The following GRM6 variants were observed in gnomAD, a reference collection of about 807,000 sequenced individuals.
GRM6 encodes the protein glutamate metabotropic receptor 6.
GRM6 carries 73 observed loss-of-function variants against 78.4 expected under a neutral mutation model. That is an observed-to-expected ratio of 0.93 (90% confidence interval 0.77 to 1.13). The LOEUF is 1.13. GRM6 is among the 50% of genes most tolerant of loss of function. The pLI, the probability that GRM6 is intolerant of heterozygous loss-of-function variation, is 0.00. For synonymous variants in GRM6, 580 were observed against 555.0 expected (o/e 1.05, Z -0.63); for missense variants, 1,251 against 1,256.4 (o/e 1.00, Z 0.07).
Position 178,983,079 on chromosome 5 carries a change from C to T in GRM6, c.2267G>A (p.Gly756Asp), listed in dbSNP as rs539727841. 3.0e-5 allele frequency: 48 copies of T among 1,614,172 alleles called. 2 individuals are homozygous for T. In the South Asian group the frequency reaches 5.1e-4, roughly 17 times the overall value. The stretch of plus-strand genomic sequence containing the variant: ...CGTGACCATGAGCAGGAGGCTGTAG[C>T]CCAGGCAGCCGATGAGAGACAGATC... ...MSDLSLIGCL[G>D]YSLLLMVTCT... The change falls in exon 10 of 11, where the codon GGC (glycine) becomes GAC (aspartate). Residue 756 changes from glycine to aspartate, a missense_variant. By Grantham distance (94) the Gly-to-Asp change is moderately conservative. Transcript: ENST00000517717.
At chr5:178,982,195 A>G (rs1353071117) in intron 10 of GRM6, among the ~76,000 whole-genome samples, 1 of 152,246 alleles carries the variant, frequency 6.6e-6, no homozygotes, top group Non-Finnish European at 1.5e-5. Flanking sequence ...ATGGGCAAAT[A>G]AATGGATGAC....
chr5:178,983,923 G>C (rs1192530360), intron 9 of GRM6, among the ~76,000 whole-genome samples: 1 of 152,212 alleles, frequency 6.6e-6, no homozygotes, highest in South Asian at 2.1e-4. Flanking sequence ...CGCCTGATTG[G>C]GGGCAGGGGT....
At chr5:178,985,518 A>C (rs1179051727) in intron 9 of GRM6, 3 of 339,620 alleles carry the variant, frequency 8.8e-6, no homozygotes, top group Non-Finnish European at 1.7e-5. Context: ...CCTGGCTAAC[A>C]CGGTGAAGCC....
chr5:178,983,699 T>C, intron 9 of GRM6: 2 of 356,028 alleles, frequency 5.6e-6, no homozygotes, highest in South Asian at 4.2e-5. Flanking sequence ...GAGCACTCAG[T>C]GGGGAGGAGC....
chr5:178,993,808 G>A (rs1311075200), intron 2 of GRM6, among the ~76,000 whole-genome samples: 1 of 152,192 alleles, frequency 6.6e-6, no homozygotes, highest in Non-Finnish European at 1.5e-5. Flanking sequence ...ACAGAGCAGG[G>A]CCAGCCCGGG....
chr5:178,989,973 C>T (rs1487036312), intron 5 of GRM6: 1 of 202,992 alleles, frequency 4.9e-6, no homozygotes, highest in African/African-American at 2.3e-5. Context: ...TACTCTCAGT[C>T]CAGGCTGCCA....
At position 178,983,080 on chromosome 5, in the gene GRM6, C is replaced by G. The variant is rs745727757; in HGVS notation, c.2266G>C (p.Gly756Arg). ...MSDLSLIGCL[G>R]YSLLLMVTCT... The stretch of plus-strand genomic sequence containing the variant: ...GTGACCATGAGCAGGAGGCTGTAGC[C>G]CAGGCAGCCGATGAGAGACAGATCC... The change falls in exon 10 of 11, where the codon GGC (glycine) becomes CGC (arginine). Residue 756 changes from glycine to arginine, a missense_variant. Transcript: ENST00000517717. The G allele has an allele frequency of 6.2e-7, 1 of 1,614,132 alleles. No homozygotes were observed. The highest frequency in any genetic ancestry group is 1.1e-5 in the South Asian group (1 of 91,086).
In GRM6 at chr5:178,988,953, G is replaced by T; in HGVS notation, c.1336C>A (p.Arg446=). Residue 446 remains arginine, a synonymous_variant, in exon 7 of 11, where the codon CGA becomes AGA. Transcript: ENST00000517717. The surrounding 1 kb of genome is among the most constrained non-coding windows in gnomAD (Gnocchi z 6.0). ...CACTCACCATTGAAGCGGACAGCTC[G>T]AATGTACTGCAGAAGCATCCGCCCA... ...TDGRMLLQYI[R]AVRFNGSAGT... 6.2e-7 allele frequency: 1 copy of T among 1,613,264 alleles called. No homozygotes were observed. The highest frequency in any genetic ancestry group is 8.5e-7 in the Non-Finnish European group (1 of 1,179,814).
chr5:178,992,224 G>T lies in GRM6; in HGVS notation c.505-141C>A. The T allele has an allele frequency of 1.4e-6, 1 of 717,040 alleles. No homozygotes were observed. Among genetic ancestry groups the T allele is most frequent in the Non-Finnish European group, 2.5e-6 (1 of 400,448 alleles). The allele number at this position is 717,040 out of a possible 1,614,324, so 44.4% of individuals were successfully genotyped here. On this transcript the variant is annotated intron_variant, in intron 2 of 10. Coordinates refer to ENST00000517717, the MANE Select transcript of GRM6 (RefSeq NM_000843.4). The surrounding 1 kb of genome is among the most constrained non-coding windows in gnomAD (Gnocchi z 4.9). ...GACACAGATGGGAGATGGAAGGGTTGGGGTGGGGACCTGGGGCCAGCTGGA... is the reference window on the plus strand; with the variant it reads ...GACACAGATGGGAGATGGAAGGGTTTGGGTGGGGACCTGGGGCCAGCTGGA...
rs771271291 is a variant in GRM6 at position 178,992,051 on chromosome 5, C to T, written c.537G>A (p.Pro179=). The stretch of plus-strand genomic sequence containing the variant: ...CATAGCGTGTGGAGTCGCTGAGCTC[C>T]GGGGCTGTGGAGGCATAGCTGATCT... ...IPQISYASTA[P]ELSDSTRYDF... is the part of the protein sequence containing the mutation. The change falls in exon 3 of 11, where the codon CCG becomes CCA. Residue 179 remains proline, a synonymous_variant. Coordinates refer to ENST00000517717, the MANE Select transcript of GRM6 (RefSeq NM_000843.4). The surrounding 1 kb of genome is among the most constrained non-coding windows in gnomAD (Gnocchi z 4.9). 65 of 1,613,806 alleles carry T rather than the reference C, an allele frequency of 4.0e-5. No homozygotes were observed. The highest frequency in any genetic ancestry group is 3.0e-4 in the South Asian group (27 of 91,084).
In GRM6 at chr5:178,986,249, G is replaced by A; in HGVS notation, c.2005C>T (p.Leu669Phe). The A allele has an allele frequency of 6.2e-7, 1 of 1,614,196 alleles. No individual in the cohort carries two copies. The highest frequency in any genetic ancestry group is 8.5e-7 in the Non-Finnish European group (1 of 1,180,038). ...LGTTLSYSAL[L>F]TKTNRIYRIF... ...CGGTAGATACGGTTGGTCTTGGTGA[G>A]CAGGGCAGAGTAGCTGAGGGTCGTG... Residue 669 changes from leucine to phenylalanine, a missense_variant, in exon 9 of 11, where the codon CTC becomes TTC. Transcript: ENST00000517717.
In GRM6 at chr5:178,988,915, G is replaced by T. The variant is rs375211773; in HGVS notation, c.1354+20C>A. ...CCCCAGCTGTCCTTCACTGCTGCAG[G>T]GGGGCAGGCACCCACTCACCATTGA... On this transcript the variant is annotated intron_variant, in intron 7 of 10. Transcript: ENST00000517717. This position sits in a 1 kb window ranked among gnomAD's most constrained non-coding sequence, Gnocchi z 6.0. The T allele has an allele frequency of 1.4e-5, 22 of 1,600,194 alleles. No individual in the cohort carries two copies. The highest frequency in any genetic ancestry group is 1.9e-5 in the Non-Finnish European group (22 of 1,169,590).
intron 9 of GRM6, chr5:178,983,459 G>A (rs1045375333): frequency 1.7e-5 from 12 of 690,838 alleles, no homozygotes; most frequent in Middle Eastern, 2.3e-4. Context: ...TGCGGAGAAG[G>A]GCTGTGCCGC....
At chr5:178,989,725 C>T (rs1760638922) in intron 5 of GRM6, 2 of 440,860 alleles carry the variant, frequency 4.5e-6, no homozygotes, top group Non-Finnish European at 8.4e-6. Flanking sequence ...GACTTTTATC[C>T]CTGCTCCTTC....
Position 178,989,362 on chromosome 5 carries a change from G to A in GRM6, c.1056C>T (p.Arg352=), listed in dbSNP as rs767097015. The A allele has an allele frequency of 1.2e-6, 2 of 1,613,966 alleles. No homozygotes were observed. Among genetic ancestry groups the A allele is most frequent in the South Asian group, 2.2e-5 (2 of 91,080 alleles). Residue 352 remains arginine (R), a synonymous_variant, in exon 6 of 11, where the codon CGC becomes CGT. Coordinates refer to ENST00000517717, the MANE Select transcript of GRM6 (RefSeq NM_000843.4). ...AGAACTCGGCGAACCAGATGTTCCT[G>A]CGGTTGTTCTCCAGGGATCGAGTCA... ...YFMTRSLENN[R]RNIWFAEFWE...
rs188332432 is a variant in GRM6, at chr5:178,988,573, G to A, written c.1354+362C>T. Among the ~76,000 whole-genome samples the A allele has an allele frequency of 2.5e-4, 38 of 152,254 alleles. No homozygotes were observed. The highest frequency in any genetic ancestry group is 5.3e-4 in the African/African-American group (22 of 41,552). On this transcript the variant is annotated intron_variant, in intron 7 of 10. Coordinates refer to ENST00000517717, the MANE Select transcript of GRM6 (RefSeq NM_000843.4). The surrounding 1 kb of genome is among the most constrained non-coding windows in gnomAD (Gnocchi z 6.0). ...GTGGGCGGCATGTCCCTGGGTAGGC[G>A]CCCCACGCAGTCTTAACTGTGCCCC...
intron 7 of GRM6, among the ~76,000 whole-genome samples, chr5:178,987,631 A>C (rs1295618909): frequency 1.3e-5 from 2 of 152,076 alleles, no homozygotes; most frequent in Non-Finnish European, 2.9e-5. Flanking sequence ...GGGGCCGTGG[A>C]ATGGCGGTTG....
rs745890602 is a variant in GRM6 at position 178,991,677 on chromosome 5, T to C, written c.722-118A>G. The C allele has an allele frequency of 5.4e-6, 7 of 1,306,244 alleles. No homozygotes were observed. The highest frequency in any genetic ancestry group is 1.2e-5 in the South Asian group (1 of 84,332). 80.9% of individuals were successfully genotyped at this position (1,306,244 alleles called of 1,614,324 possible). A position where few individuals can be genotyped will look rare whatever the true frequency, so the allele number is the denominator to read the frequency against. On this transcript the variant is annotated intron_variant, in intron 3 of 10. Transcript: ENST00000517717. This position sits in a 1 kb window ranked among gnomAD's most constrained non-coding sequence, Gnocchi z 5.0. Reference sequence around the variant, plus strand: ...GGGTCTGCAGGGGTGAAGTCTGGCCTGCACCCTCCGCCAAGCCTGAGGCAG... The same window carrying C: ...GGGTCTGCAGGGGTGAAGTCTGGCCCGCACCCTCCGCCAAGCCTGAGGCAG...
In GRM6 at chr5:178,981,666, G is replaced by A; in HGVS notation, c.2625C>T (p.Ala875=). The A allele has an allele frequency of 6.2e-7, 1 of 1,613,348 alleles. No individual in the cohort carries two copies. Among genetic ancestry groups the A allele is most frequent in the Admixed American group, 1.7e-5 (1 of 60,026 alleles). ...AAPPKGEDAE[A]HK The stretch of plus-strand genomic sequence containing the variant: ...GTTCCCACCTGCCCTGCTACTTGTG[G>A]GCCTCTGCATCCTCGCCCTTGGGTG... The change falls in exon 11 of 11, where the codon GCC becomes GCT. Residue 875 remains alanine, a synonymous_variant. Coordinates refer to ENST00000517717, the MANE Select transcript of GRM6 (RefSeq NM_000843.4). This position sits in a 1 kb window ranked among gnomAD's most constrained non-coding sequence, Gnocchi z 5.1.
Sources: gnomAD v4.1 joint callset for allele counts (sites outside exome capture counted in the v4.1 genomes callset) on GRCh38, gnomAD v4.1.1 for gene constraint, Gnocchi (gnomAD v3.1) non-coding constraint, MANE v1.5 for transcripts, NCBI Gene and HGNC (gene_info 2026-07-23, HGNC 2026-07-21) for gene names.